The following HYKK variants were observed in gnomAD, a reference collection of about 807,000 sequenced individuals.
HYKK encodes the protein 5-hydroxy-L-lysine kinase.
In HYKK, 19 loss-of-function variants were observed where a neutral mutation model predicts 29.7. The observed-to-expected ratio is 0.64, with a 90% confidence interval of 0.45 to 0.94. HYKK has a LOEUF of 0.94. Ranked by LOEUF, HYKK falls within the 40% of genes least tolerant of loss-of-function variation. The pLI is 0.00. For synonymous variants in HYKK, 152 were observed against 158.1 expected, an observed-to-expected ratio of 0.96 and a Z score of 0.29; for missense variants, 390 against 443.4, an observed-to-expected ratio of 0.88 and a Z score of 1.08.
In HYKK at chr15:78,518,700, C is replaced by G. The variant is rs958701888; in HGVS notation, c.477+3593C>G. On this transcript the variant is annotated intron_variant, in intron 3 of 4. Transcript: ENST00000388988. The stretch of plus-strand genomic sequence containing the variant: ...TGGGAGGCCGAGGCAGGTGGATCAC[C>G]TGAAGTCAGGAGTTAGAGACCAGCT... 3 of 408,878 alleles carry G rather than the reference C, an allele frequency of 7.3e-6. No homozygotes were observed. In the Admixed American group the frequency reaches 8.2e-5, roughly 11 times the overall value. The allele number at this position is 408,878 out of a possible 1,614,324, so 25.3% of individuals were successfully genotyped here.
chr15:78,517,353 T>C (rs533165705), intron 3 of HYKK, among the ~76,000 whole-genome samples: 1 of 152,186 alleles, frequency 6.6e-6, no homozygotes, highest in East Asian at 1.9e-4. Flanking sequence ...GGCAGGCGGA[T>C]CACTTGAGGT....
At chr15:78,510,746 T>C (rs1699618059) in intron 1 of HYKK, among the ~76,000 whole-genome samples, 1 of 152,198 alleles carries the variant, frequency 6.6e-6, no homozygotes, top group Non-Finnish European at 1.5e-5. Context: ...AAGCGCTCTT[T>C]CTTTTTTAGA....
chr15:78,517,892 C>T (rs1022479236), intron 3 of HYKK, among the ~76,000 whole-genome samples: 5 of 152,220 alleles, frequency 3.3e-5, no homozygotes, highest in African/African-American at 1.2e-4. Flanking sequence ...TCCCTCTAAT[C>T]TTTTCAGGTG....
intron 3 of HYKK, among the ~76,000 whole-genome samples, chr15:78,522,664 G>A (rs2052209995): frequency 1.3e-5 from 2 of 151,826 alleles, no homozygotes; most frequent in African/African-American, 4.8e-5. Flanking sequence ...ATCAGTTAAG[G>A]CCAGGAGTTC....
intron 3 of HYKK, among the ~76,000 whole-genome samples, chr15:78,520,099 G>A (rs530437663): frequency 4.8e-4 from 73 of 152,314 alleles, no homozygotes; most frequent in African/African-American, 1.7e-3. Context: ...TACAGAGGAC[G>A]AGGGAGCTCT....
chr15:78,530,696 T>C (rs2052303541), intron 4 of HYKK, among the ~76,000 whole-genome samples: 1 of 152,070 alleles, frequency 6.6e-6, no homozygotes, highest in Admixed American at 6.6e-5. Flanking sequence ...CAGGCATGCA[T>C]TACCATGCCC....
At chr15:78,515,619 C>T (rs972349593) in intron 3 of HYKK, among the ~76,000 whole-genome samples, 4 of 149,310 alleles carry the variant, frequency 2.7e-5, no homozygotes, top group Non-Finnish European at 5.9e-5. Context: ...GACAGAATCT[C>T]GCTCTGTCGT....
At chr15:78,511,699 G>A (rs2052074680) in intron 1 of HYKK, among the ~76,000 whole-genome samples, 1 of 151,128 alleles carries the variant, frequency 6.6e-6, no homozygotes, top group South Asian at 2.1e-4. Flanking sequence ...TCCAGCCTGG[G>A]CGACAGAGCA....
chr15:78,514,927 T>A (rs754637999), intron 2 of HYKK, 41 bp from the exon 3 acceptor site: 7 of 849,296 alleles, frequency 8.2e-6, no homozygotes, highest in African/African-American at 1.8e-5. Flanking sequence ...TATATATATA[T>A]AAATAATTTA....
At chr15:78,531,477 T>C (rs996965633) in intron 4 of HYKK, among the ~76,000 whole-genome samples, 2 of 152,186 alleles carry the variant, frequency 1.3e-5, no homozygotes, top group African/African-American at 4.8e-5. Flanking sequence ...AATCCTACTA[T>C]GATTACAGAT....
chr15:78,508,813 G>A (rs911248810), intron 1 of HYKK, among the ~76,000 whole-genome samples: 1 of 143,890 alleles, frequency 6.9e-6, no homozygotes, highest in Admixed American at 7.5e-5. Flanking sequence ...GGAGACCAAG[G>A]TAGGAGGATT....
At chr15:78,515,902 A>G (rs1044620967) in intron 3 of HYKK, among the ~76,000 whole-genome samples, 1 of 152,136 alleles carries the variant, frequency 6.6e-6, no homozygotes, top group East Asian at 1.9e-4. Context: ...AATTTTTTTT[A>G]AATTAAAAAA....
At chr15:78,511,400 C>T (rs2141352318) in intron 1 of HYKK, among the ~76,000 whole-genome samples, 1 of 152,148 alleles carries the variant, frequency 6.6e-6, no homozygotes, top group Middle Eastern at 3.4e-3. Context: ...AAACAGTCTC[C>T]TCCCCCGCCC....
downstream of HYKK, chr15:78,537,207 C>T: frequency 2.1e-6 from 1 of 481,168 alleles, no homozygotes; most frequent in Non-Finnish European, 3.9e-6. Flanking sequence ...TCCTGTTTAT[C>T]TACCTATCCA....
chr15:78,523,084 A>G (rs935970011), intron 3 of HYKK, among the ~76,000 whole-genome samples: 1 of 152,170 alleles, frequency 6.6e-6, no homozygotes, highest in African/African-American at 2.4e-5. Flanking sequence ...TAAGGGTAAA[A>G]AGTACCTACC....
chr15:78,520,958 G>A (rs1249941273), intron 3 of HYKK, among the ~76,000 whole-genome samples: 3 of 151,852 alleles, frequency 2.0e-5, no homozygotes, highest in Admixed American at 6.6e-5. Context: ...AGCTGGCCGG[G>A]CGGGGGGCTG....
intron 1 of HYKK, among the ~76,000 whole-genome samples, chr15:78,512,441 G>A (rs1425697693): frequency 8.8e-6 from 1 of 113,228 alleles, no homozygotes; most frequent in Non-Finnish European, 1.7e-5. Context: ...TCGCCCTGTT[G>A]CCCAGGCTAG....
At chr15:78,526,708 A>G (rs957165826) in intron 3 of HYKK, among the ~76,000 whole-genome samples, 2 of 152,200 alleles carry the variant, frequency 1.3e-5, no homozygotes, top group African/African-American at 4.8e-5. Context: ...GCTGCCTCCA[A>G]TTTCTTTTGT....
In HYKK at chr15:78,533,538, C is replaced by A. The variant is rs1190194238; in HGVS notation, c.990C>A (p.Asn330Lys). ...ACTCTTGCCAGCTATACCCAGAGAA[C>A]AAAGACTATCTCATGGTTACTGCAA... ...AAYSCQLYPE[N>K]KDYLMVTAKT... The change falls in exon 5 of 5, where the codon AAC (asparagine) becomes AAA (lysine). Residue 330 changes from asparagine to lysine, a missense_variant. Transcript: ENST00000388988. The A allele has an allele frequency of 6.2e-7, 1 of 1,613,840 alleles. No homozygotes were observed. The highest frequency in any genetic ancestry group is 1.7e-5 in the Admixed American group (1 of 60,012).
Sources: gnomAD v4.1 joint callset for allele counts (sites outside exome capture counted in the v4.1 genomes callset) on GRCh38, gnomAD v4.1.1 for gene constraint, MANE v1.5 for transcripts, NCBI Gene and HGNC (gene_info 2026-07-23, HGNC 2026-07-21) for gene names.